The following APP variants were observed in gnomAD, a reference collection of about 807,000 sequenced individuals.
The protein encoded by APP is amyloid-beta precursor protein.
In APP, 31 loss-of-function variants were observed where a neutral mutation model predicts 101.4. The observed-to-expected ratio is 0.31, with a 90% CI of 0.23 to 0.41. APP has a LOEUF of 0.41. Ranked by LOEUF, APP falls within the 10% of genes least tolerant of loss-of-function variation. The pLI, the probability that APP is intolerant of heterozygous loss-of-function variation, is 1.00. For missense variants in APP, 839 were observed against 1,003.7 expected (o/e 0.84, Z 2.22); for synonymous variants, 366 against 364.4 (o/e 1.00, Z -0.05).
chr21:26,140,317 T>A, intron 1 of APP: 2 of 1,529,594 alleles, frequency 1.3e-6, no homozygotes, highest in Non-Finnish European at 1.7e-6. Context: ...AGAGCTTCCA[T>A]CCTCGGGAGG....
intron 5 of APP, among the ~76,000 whole-genome samples, chr21:26,048,095 T>TGACGA (rs1178955498): frequency 6.6e-6 from 1 of 151,766 alleles, no homozygotes; most frequent in African/African-American, 2.4e-5. Context: ...GGTTGGTGGA[T>TGACGA]GACGAGGTCA....
intron 13 of APP, among the ~76,000 whole-genome samples, chr21:25,932,804 T>C (rs1316215587): frequency 6.6e-6 from 1 of 151,706 alleles, no homozygotes; most frequent in African/African-American, 2.4e-5. Context: ...GCCCCAAACA[T>C]TTCTACTCTT....
intron 6 of APP, among the ~76,000 whole-genome samples, chr21:26,011,652 G>A (rs1451536791): frequency 6.6e-6 from 1 of 152,092 alleles, no homozygotes. Context: ...AGAAGGATTC[G>A]TGATGCATTT....
chr21:25,970,683 C>A (rs1359750675), intron 11 of APP, among the ~76,000 whole-genome samples: 1 of 152,188 alleles, frequency 6.6e-6, no homozygotes, highest in Non-Finnish European at 1.5e-5. Flanking sequence ...GAAGCTCGTT[C>A]TAGTGAGAAG....
intron 3 of APP, among the ~76,000 whole-genome samples, chr21:26,078,204 C>T (rs2061533394): frequency 6.6e-6 from 1 of 152,040 alleles, no homozygotes; most frequent in Non-Finnish European, 1.5e-5. Context: ...AAAAATTGTC[C>T]TTAATTTCAT....
intron 11 of APP, among the ~76,000 whole-genome samples, chr21:25,957,686 AG>A (rs1375169569): frequency 6.6e-6 from 1 of 151,988 alleles, no homozygotes; most frequent in Admixed American, 6.6e-5. Context: ...AATTTTTAAG[AG>A]TTTAAATAAG....
intron 5 of APP, among the ~76,000 whole-genome samples, chr21:26,042,498 G>C (rs2045416849): frequency 6.6e-6 from 1 of 152,198 alleles, no homozygotes; most frequent in Non-Finnish European, 1.5e-5. Flanking sequence ...AGTTCTCAGA[G>C]CACAATGACC....
intron 3 of APP, among the ~76,000 whole-genome samples, chr21:26,084,752 T>G (rs1428397456): frequency 6.6e-6 from 1 of 152,228 alleles, no homozygotes. Context: ...TGATGATTAA[T>G]GCTGCTTAAA....
At position 25,897,687 on chromosome 21, in the gene APP, T is replaced by C. The variant is rs202219913; in HGVS notation, c.1964-14A>G. On this transcript the variant is annotated splice_polypyrimidine_tract_variant and intron_variant, in intron 15 of 17. Coordinates refer to ENST00000346798, the MANE Select transcript of APP (RefSeq NM_000484.4). The stretch of plus-strand genomic sequence containing the variant: ...TCAACCCAGAACCTGTATTACATCA[T>C]AATTAAAGTATGCAGGACAACCAAT... 1.4e-5 allele frequency: 22 copies of C among 1,593,458 alleles called. No individual in the cohort carries two copies. Among genetic ancestry groups the C allele is most frequent in the Non-Finnish European group, 1.7e-5 (20 of 1,161,340 alleles).
chr21:25,895,559 T>A (rs1318977457), intron 16 of APP, among the ~76,000 whole-genome samples: 1 of 152,212 alleles, frequency 6.6e-6, no homozygotes, highest in Non-Finnish European at 1.5e-5. Flanking sequence ...TTCCAAGGTA[T>A]GCCTGTACCT....
upstream of APP, chr21:26,170,852 C>T (rs959367033): frequency 2.1e-5 from 9 of 434,120 alleles, no homozygotes; most frequent in African/African-American, 1.0e-4. Flanking sequence ...GAGAGAGACC[C>T]CTAGCGGCGC....
intron 16 of APP, among the ~76,000 whole-genome samples, chr21:25,894,073 G>C (rs964263241): frequency 6.6e-6 from 1 of 152,162 alleles, no homozygotes; most frequent in Non-Finnish European, 1.5e-5. Context: ...AAACTGGGAT[G>C]ACAGCACATC....
intron 13 of APP, chr21:25,934,207 C>T (rs910819773): frequency 1.3e-5 from 2 of 152,178 alleles, no homozygotes; most frequent in Admixed American, 1.3e-4. Context: ...ACAGATTCTC[C>T]CCTAGAGCTG....
chr21:26,159,813 T>G (rs1198315355), intron 1 of APP, among the ~76,000 whole-genome samples: 1 of 152,174 alleles, frequency 6.6e-6, no homozygotes, highest in African/African-American at 2.4e-5. Flanking sequence ...GAAGGGATGC[T>G]TCCCATCTGT....
At chr21:25,999,887 G>T in intron 7 of APP, 128 bp downstream of exon 7, 1 of 1,068,208 alleles carries the variant, frequency 9.4e-7, no homozygotes, top group Non-Finnish European at 1.4e-6. Context: ...TAGAGAAGTG[G>T]ACAGAAATGT....
chr21:25,924,384 A>T (rs1272431496), intron 13 of APP, among the ~76,000 whole-genome samples: 32 of 108,378 alleles, frequency 3.0e-4, no homozygotes, highest in African/African-American at 9.9e-4. Flanking sequence ...TATAATAAAA[A>T]AAAAAAAAGA....
intron 13 of APP, among the ~76,000 whole-genome samples, chr21:25,936,224 G>A (rs1261113726): frequency 6.6e-6 from 1 of 152,030 alleles, no homozygotes; most frequent in African/African-American, 2.4e-5. Flanking sequence ...AGGTCATGGG[G>A]GTGTGACTCT....
At chr21:26,115,239 T>C (rs1290465988) in intron 1 of APP, among the ~76,000 whole-genome samples, 2 of 152,216 alleles carry the variant, frequency 1.3e-5, no homozygotes, top group African/African-American at 2.4e-5. Context: ...GTTGTGTGTA[T>C]AGATCTTCTT....
intron 5 of APP, among the ~76,000 whole-genome samples, chr21:26,033,372 T>C (rs1311668115): frequency 6.6e-6 from 1 of 152,232 alleles, no homozygotes; most frequent in Non-Finnish European, 1.5e-5. Context: ...CTTCCCCTTC[T>C]GCCATGATTG....
Sources: allele counts gnomAD v4.1 joint callset (sites outside exome capture counted in the v4.1 genomes callset), GRCh38; gene constraint gnomAD v4.1.1; transcripts MANE v1.5; gene names NCBI Gene and HGNC (gene_info 2026-07-23, HGNC 2026-07-21).